The following SCUBE1 variants were observed in gnomAD, a reference collection of about 807,000 sequenced individuals.
SCUBE1 encodes signal peptide, CUB domain and EGF like domain containing 1.
Under a neutral mutation model 124.4 loss-of-function variants are expected in SCUBE1, and 59 were observed. That is an observed-to-expected ratio of 0.47 (90% CI 0.38 to 0.59). SCUBE1 has a LOEUF of 0.59. SCUBE1 is among the 20% of genes least tolerant of loss of function. SCUBE1 has a pLI of 0.00. For synonymous variants in SCUBE1, 545 were observed against 550.9 expected (o/e 0.99, Z 0.15); for missense variants, 1,150 against 1,371.2 (o/e 0.84, Z 2.55).
chr22:43,291,028 A>G lies in SCUBE1; in HGVS notation c.484+18T>C, dbSNP rs937350087. 1.2e-5 allele frequency: 19 copies of G among 1,568,780 alleles called. No homozygotes were observed. Among genetic ancestry groups the G allele is most frequent in the Non-Finnish European group, 1.7e-5 (19 of 1,148,232 alleles). On this transcript the variant is annotated intron_variant, in intron 4 of 21. Transcript: ENST00000360835. ...ATCCTGGGGGGGGACATGCCTGGTCAGCATAGGCTGTACTCACCATTGGAG... is the reference window on the plus strand; with the variant it reads ...ATCCTGGGGGGGGACATGCCTGGTCGGCATAGGCTGTACTCACCATTGGAG...
At chr22:43,321,055 A>AT (rs1282475055) in intron 2 of SCUBE1, among the ~76,000 whole-genome samples, 6 of 152,194 alleles carry the variant, frequency 3.9e-5, no homozygotes, top group Non-Finnish European at 8.8e-5. Flanking sequence ...GCTCCGAGAC[A>AT]CGATGGGGAG....
At chr22:43,333,929 C>G (rs1306398144) in intron 2 of SCUBE1, among the ~76,000 whole-genome samples, 1 of 152,246 alleles carries the variant, frequency 6.6e-6, no homozygotes, top group African/African-American at 2.4e-5. Context: ...GAAGCAAACA[C>G]TCAACATGGT....
intron 2 of SCUBE1, among the ~76,000 whole-genome samples, chr22:43,324,831 G>A (rs146547435): frequency 2.0e-5 from 3 of 151,386 alleles, no homozygotes; most frequent in East Asian, 1.9e-4. Flanking sequence ...TTAAAGGGCT[G>A]TTGTGGATTA....
chr22:43,279,787 C>T (rs533925169), intron 4 of SCUBE1, among the ~76,000 whole-genome samples: 17 of 152,256 alleles, frequency 1.1e-4, no homozygotes, highest in Admixed American at 4.6e-4. Context: ...CTGTGAGTTC[C>T]GAAAGGACCT....
chr22:43,221,368 G>T lies in SCUBE1; in HGVS notation c.1433-79C>A, dbSNP rs927955885. 34 of 751,978 alleles carry T rather than the reference G, an allele frequency of 4.5e-5. No individual in the cohort carries two copies. In the Admixed American group the frequency reaches 6.0e-4, roughly 13 times the overall value. 46.6% of individuals were successfully genotyped at this position (751,978 alleles called of 1,614,324 possible). ...TGGTGGGGGACGGGGGCTGCCAGGG[G>T]ACAAATCCATCTGGAGCTGGGGGTG... On this transcript the variant is annotated intron_variant, in intron 12 of 21. Transcript: ENST00000360835.
At chr22:43,291,909 C>G (rs1272665298) in intron 3 of SCUBE1, among the ~76,000 whole-genome samples, 1 of 152,126 alleles carries the variant, frequency 6.6e-6, no homozygotes, top group Non-Finnish European at 1.5e-5. Flanking sequence ...TGTCTAAAGT[C>G]CTACGTATGG....
intron 14 of SCUBE1, among the ~76,000 whole-genome samples, chr22:43,219,616 G>T (rs1452841756): frequency 6.6e-6 from 1 of 152,042 alleles, no homozygotes; most frequent in East Asian, 1.9e-4. Context: ...TGGGATTACA[G>T]GTGCCTGCCA....
intron 3 of SCUBE1, among the ~76,000 whole-genome samples, chr22:43,317,595 G>A (rs1224721166): frequency 1.3e-5 from 2 of 152,178 alleles, no homozygotes; most frequent in Non-Finnish European, 2.9e-5. Flanking sequence ...CATATCCCCT[G>A]GGCTCCAGTT....
At chr22:43,270,125 A>T (rs184148983) in intron 4 of SCUBE1, 1 of 152,278 alleles carries the variant, frequency 6.6e-6, no homozygotes, top group South Asian at 2.1e-4. Context: ...AGAATTCTAC[A>T]CATAAGTACT....
In SCUBE1 at chr22:43,211,739, G is replaced by GCCTCAAACTTCTGA. The variant is rs1273131497; in HGVS notation, c.2222-670_2222-657dup. 6.6e-6 allele frequency among the ~76,000 whole-genome samples: 1 copy of GCCTCAAACTTCTGA among 152,120 alleles called. No individual in the cohort carries two copies. The highest frequency in any genetic ancestry group is 1.5e-5 in the Non-Finnish European group (1 of 68,024). On this transcript the variant is annotated intron_variant, in intron 17 of 21. Transcript: ENST00000360835. The surrounding 1 kb of genome is among the most constrained non-coding windows in gnomAD (Gnocchi z 4.5). The stretch of plus-strand genomic sequence containing the variant: ...GGGTTTTGCCATGCTAGCCGGGCTG[G>GCCTCAAACTTCTGA]CCTCAAACTTCTGACCTCAGGTGAT...
At chr22:43,265,946 C>T (rs1296608687) in intron 4 of SCUBE1, among the ~76,000 whole-genome samples, 1 of 151,746 alleles carries the variant, frequency 6.6e-6, no homozygotes, top group East Asian at 2.0e-4. Context: ...ACTAAAAATA[C>T]AAACATTAGC....
chr22:43,263,621 G>C (rs1458734572), intron 4 of SCUBE1, among the ~76,000 whole-genome samples: 4 of 152,150 alleles, frequency 2.6e-5, no homozygotes, highest in Non-Finnish European at 5.9e-5. Context: ...TCCTGACCCC[G>C]TCCACTTTAA....
chr22:43,251,160 T>C (rs1923431115), intron 6 of SCUBE1, among the ~76,000 whole-genome samples: 1 of 152,154 alleles, frequency 6.6e-6, no homozygotes, highest in Non-Finnish European at 1.5e-5. Flanking sequence ...GGGCTGAAGA[T>C]ACACCCCCAA....
In SCUBE1 at chr22:43,203,967, G is replaced by A. The variant is rs1301522210; in HGVS notation, c.*30C>T. The A allele has an allele frequency of 6.2e-7, 1 of 1,612,612 alleles. No homozygotes were observed. The highest frequency in any genetic ancestry group is 8.5e-7 in the Non-Finnish European group (1 of 1,179,052). ...GGCAGGTGCACCCTCCGCGGACCAG[G>A]CCACCCCCAGGCAGGGCCGCTCCCC... On this transcript the variant is annotated 3_prime_UTR_variant, in exon 22 of 22. Transcript: ENST00000360835.
At chr22:43,299,220 C>T (rs1231740795) in intron 3 of SCUBE1, among the ~76,000 whole-genome samples, 2 of 152,176 alleles carry the variant, frequency 1.3e-5, no homozygotes, top group Non-Finnish European at 2.9e-5. Context: ...GTAATGTACT[C>T]TGCACAGCGC....
chr22:43,260,660 G>A (rs909154372), intron 5 of SCUBE1, among the ~76,000 whole-genome samples: 1 of 152,252 alleles, frequency 6.6e-6, no homozygotes, highest in Non-Finnish European at 1.5e-5. Context: ...TGCCTGTGCA[G>A]GCCCTTCACG....
chr22:43,301,932 G>A (rs916872481), intron 3 of SCUBE1, among the ~76,000 whole-genome samples: 3 of 152,220 alleles, frequency 2.0e-5, no homozygotes, highest in Admixed American at 6.5e-5. Context: ...CTTCGCTGCC[G>A]TATGCTGCAA....
intron 1 of SCUBE1, among the ~76,000 whole-genome samples, chr22:43,341,978 G>C (rs1349198718): frequency 6.6e-6 from 1 of 152,060 alleles, no homozygotes; most frequent in Non-Finnish European, 1.5e-5. Context: ...GACACAAGGG[G>C]GATGATGGGG....
At chr22:43,316,287 G>T (rs985942909) in intron 3 of SCUBE1, among the ~76,000 whole-genome samples, 1 of 152,230 alleles carries the variant, frequency 6.6e-6, no homozygotes, top group Admixed American at 6.5e-5. Flanking sequence ...AGAAGGGCTA[G>T]AATTTAAGCC....
Sources: gnomAD v4.1 joint callset for allele counts (sites outside exome capture counted in the v4.1 genomes callset) on GRCh38, gnomAD v4.1.1 for gene constraint, Gnocchi (gnomAD v3.1) non-coding constraint, MANE v1.5 for transcripts, NCBI Gene and HGNC (gene_info 2026-07-23, HGNC 2026-07-21) for gene names.